PCDHGA10: variants seen among roughly 807,000 people sequenced by gnomAD.
PCDHGA10 encodes protocadherin gamma subfamily A, 10.
In PCDHGA10, 42 loss-of-function variants were observed where a neutral mutation model predicts 59.5. The observed-to-expected ratio is 0.71, with a 90% CI of 0.55 to 0.91. PCDHGA10 has a LOEUF of 0.91. Among genes scored for constraint, PCDHGA10 ranks in the 40% least tolerant of loss-of-function variants. The probability of loss-of-function intolerance (pLI) is 0.00; values close to 1 mark genes in which losing one functional copy is unlikely to be tolerated. For missense variants in PCDHGA10, 1,111 were observed against 1,198.2 expected (o/e 0.93, Z 1.07); for synonymous variants, 511 against 517.2 (o/e 0.99, Z 0.16).
At chr5:141,415,904 C>T in intron 1 of PCDHGA10, 1 of 833,428 alleles carries the variant, frequency 1.2e-6, no homozygotes, top group Non-Finnish European at 1.6e-6. Context: ...AGACAGACTT[C>T]CATACAGAAG....
rs774079222 is a variant in PCDHGA10, at chr5:141,491,314, C to G, written c.2437-3493C>G. On this transcript the variant is annotated intron_variant, in intron 1 of 3. Transcript: ENST00000398610. The surrounding 1 kb of genome is among the most constrained non-coding windows in gnomAD (Gnocchi z 6.9). ...CCCTCCTGAGCGTTCAGACCTTACC[C>G]TTTACCTCATTGTGGCTCTAGCGAC... is the stretch of plus-strand genomic sequence containing the variant. 6 of 1,614,064 alleles carry G rather than the reference C, an allele frequency of 3.7e-6. No individual in the cohort carries two copies. In the South Asian group the frequency reaches 5.5e-5, roughly 15 times the overall value.
In PCDHGA10 at chr5:141,413,664, T is replaced by A; in HGVS notation, c.489T>A (p.Asp163Glu). The A allele has an allele frequency of 6.2e-7, 1 of 1,613,858 alleles. No homozygotes were observed. Among genetic ancestry groups the A allele is most frequent in the Non-Finnish European group, 8.5e-7 (1 of 1,179,888 alleles). Residue 163 changes from aspartate to glutamate, a missense_variant, in exon 1 of 4, where the codon GAT becomes GAA. By Grantham distance (45) the Asp-to-Glu change is conservative. Transcript: ENST00000398610. ...GMRFPLPEAI[D>E]PDVGVNSLQS... ...GTTTTCCTCTCCCGGAAGCTATTGATCCGGATGTGGGCGTGAACTCCCTGC... is the reference window on the plus strand; with the variant it reads ...GTTTTCCTCTCCCGGAAGCTATTGAACCGGATGTGGGCGTGAACTCCCTGC...
In PCDHGA10 at chr5:141,413,639, G is replaced by T. The variant is rs893578830; in HGVS notation, c.464G>T (p.Arg155Leu). ...AATGAAAATGTCGCTGCGGGAATGC[G>T]TTTTCCTCTCCCGGAAGCTATTGAT... ...KINENVAAGM[R>L]FPLPEAIDPD... Residue 155 changes from arginine (R) to leucine (L), a missense_variant, in exon 1 of 4, where the codon CGT (arginine) becomes CTT (leucine). Transcript: ENST00000398610. 6.2e-7 allele frequency: 1 copy of T among 1,613,736 alleles called. No homozygotes were observed. The highest frequency in any genetic ancestry group is 1.3e-5 in the African/African-American group (1 of 74,912).
At position 141,512,644 on chromosome 5, in the gene PCDHGA10, G is replaced by T. The variant is rs1283774989; in HGVS notation, c.*1471G>T. Reference sequence around the variant, plus strand: ...ACCCCAGACCTGCCCTTACAGTAGTGTAGCGCCCCCTCCCTCTTTCGGCTG... The same window carrying T: ...ACCCCAGACCTGCCCTTACAGTAGTTTAGCGCCCCCTCCCTCTTTCGGCTG... On this transcript the variant is annotated 3_prime_UTR_variant, in exon 4 of 4. Coordinates refer to ENST00000398610, the MANE Select transcript of PCDHGA10 (RefSeq NM_018913.3). 1 of 152,528 alleles carries T rather than the reference G, an allele frequency of 6.6e-6. No individual in the cohort carries two copies. The allele number at this position is 152,528 out of a possible 1,614,324, so 9.4% of individuals were successfully genotyped here.
chr5:141,493,140 C>T lies in PCDHGA10; in HGVS notation c.2437-1667C>T, dbSNP rs2099746336. Among the ~76,000 whole-genome samples, 1 of 146,374 alleles carries T rather than the reference C, an allele frequency of 6.8e-6. No homozygotes were observed. Among genetic ancestry groups the T allele is most frequent in the African/African-American group, 2.5e-5 (1 of 40,746 alleles). ...GCTCCTAGGACTGTATTTTGAAACACCCCCAGGTGATTTTGATAGCTGATT... is the reference window on the plus strand; with the variant it reads ...GCTCCTAGGACTGTATTTTGAAACATCCCCAGGTGATTTTGATAGCTGATT... On this transcript the variant is annotated intron_variant, in intron 1 of 3. Transcript: ENST00000398610. This position sits in a 1 kb window ranked among gnomAD's most constrained non-coding sequence, Gnocchi z 4.3.
chr5:141,455,822 CCCCTTTTCCTGT>C (rs2098832641), intron 1 of PCDHGA10, among the ~76,000 whole-genome samples: 2 of 151,688 alleles, frequency 1.3e-5, no homozygotes, highest in African/African-American at 4.8e-5. Flanking sequence ...TTCCCAAGGA[CCCCTTTTCCTGT>C]CTATCTGCAT....
intron 1 of PCDHGA10, among the ~76,000 whole-genome samples, chr5:141,425,189 T>C (rs1042702500): frequency 2.6e-5 from 4 of 152,116 alleles, no homozygotes; most frequent in African/African-American, 7.2e-5. Flanking sequence ...AATTCCAAAC[T>C]GAGAAAAATG....
chr5:141,494,790 C>A lies in PCDHGA10; in HGVS notation c.2437-17C>A, dbSNP rs909145. 17 of 1,614,014 alleles carry A rather than the reference C, an allele frequency of 1.1e-5. 1 individual carries two copies. The South Asian group carries it at 1.9e-4, about 18-fold the overall frequency. ...TCTCACGGGTACTCAGCCCCTTTCC[C>A]TCTGTTTTCTCCACAGCAAGCCCCG... On this transcript the variant is annotated splice_polypyrimidine_tract_variant and intron_variant, in intron 1 of 3. Transcript: ENST00000398610.
At chr5:141,443,977 AT>A (rs1443967001) in intron 1 of PCDHGA10, among the ~76,000 whole-genome samples, 1 of 152,020 alleles carries the variant, frequency 6.6e-6, no homozygotes, top group African/African-American at 2.4e-5. Context: ...CATCTAAGCT[AT>A]GTTAATTTTA....
At chr5:141,449,723 GA>G (rs1432635918) in intron 1 of PCDHGA10, among the ~76,000 whole-genome samples, 2 of 150,880 alleles carry the variant, frequency 1.3e-5, no homozygotes, top group Admixed American at 6.6e-5. Flanking sequence ...TATATGATAT[GA>G]TTTTTTTATG....
chr5:141,421,201 C>A, intron 1 of PCDHGA10: 3 of 1,518,204 alleles, frequency 2.0e-6, no homozygotes, highest in Non-Finnish European at 2.6e-6. Context: ...GCTCGAGAAA[C>A]CGCGGAATAT....
rs543116266 is a variant in PCDHGA10 at position 141,474,428 on chromosome 5, C to A, written c.2437-20379C>A. 3.9e-5 allele frequency among the ~76,000 whole-genome samples: 6 copies of A among 152,346 alleles called. 1 individual carries two copies. In the South Asian group the frequency reaches 1.0e-3, roughly 26 times the overall value. On this transcript the variant is annotated intron_variant, in intron 1 of 3. Coordinates refer to ENST00000398610, the MANE Select transcript of PCDHGA10 (RefSeq NM_018913.3). ...CGGTGATGCCTAGACCATTGGTCCT[C>A]ACACTTTGAGTAGCAAGTGATTGGG...
chr5:141,430,433 T>C (rs1371764261), intron 1 of PCDHGA10, among the ~76,000 whole-genome samples: 2 of 151,080 alleles, frequency 1.3e-5, no homozygotes, highest in Admixed American at 6.6e-5. Context: ...ATACGGTAGA[T>C]TTCCATCCCC....
Position 141,505,432 on chromosome 5 carries a change from C to T in PCDHGA10, c.2535C>T (p.Asn845=), listed in dbSNP as rs776731214. Residue 845 remains asparagine, a synonymous_variant, in exon 3 of 4, where the codon AAC becomes AAT. Transcript: ENST00000398610. ...ATGACACCGGCACCTGGCCCAACAA[C>T]CAGTTTGACACAGAGATGCTGCAAG... ...NGDDTGTWPN[N]QFDTEMLQAM... 6.2e-7 allele frequency: 1 copy of T among 1,614,252 alleles called. No homozygotes were observed. Among genetic ancestry groups the T allele is most frequent in the Non-Finnish European group, 8.5e-7 (1 of 1,180,048 alleles).
chr5:141,476,229 C>A lies in PCDHGA10; in HGVS notation c.2437-18578C>A, dbSNP rs761790915. The A allele has an allele frequency of 1.9e-6, 3 of 1,613,872 alleles. No homozygotes were observed. The South Asian group carries it at 3.3e-5, about 18-fold the overall frequency. ...TCCACGGTCATTCACTATGAGATCC[C>A]GGAGGAAAGAGAGAAGGGTTTCGCT... On this transcript the variant is annotated intron_variant, in intron 1 of 3. Transcript: ENST00000398610. This position sits in a 1 kb window ranked among gnomAD's most constrained non-coding sequence, Gnocchi z 7.6.
At chr5:141,440,443 T>A (rs979101512) in intron 1 of PCDHGA10, 2 of 152,152 alleles carry the variant, frequency 1.3e-5, no homozygotes, top group Admixed American at 1.3e-4. Flanking sequence ...CAAGGCGCCA[T>A]CTCAAAAAAA....
rs756216038 is a variant in PCDHGA10, at chr5:141,477,967, C to G, written c.2437-16840C>G. 1.9e-6 allele frequency: 3 copies of G among 1,614,032 alleles called. No homozygotes were observed. Among genetic ancestry groups the G allele is most frequent in the Admixed American group, 3.3e-5 (2 of 59,996 alleles). ...GTCTCTTGGGATCCCCTAACCAGAG[C>G]CTTTTTGCCATAGGGCTGCACACTG... On this transcript the variant is annotated intron_variant, in intron 1 of 3. Transcript: ENST00000398610. The surrounding 1 kb of genome is among the most constrained non-coding windows in gnomAD (Gnocchi z 4.9).
At chr5:141,422,153 AT>A (rs750082013) in intron 1 of PCDHGA10, 4 of 1,575,250 alleles carry the variant, frequency 2.5e-6, no homozygotes, top group Non-Finnish European at 3.4e-6. Context: ...GGGTCTCTGG[AT>A]TTTGAAAAAT....
At chr5:141,502,191 A>G (rs2099813218) in intron 2 of PCDHGA10, among the ~76,000 whole-genome samples, 1 of 152,170 alleles carries the variant, frequency 6.6e-6, no homozygotes, top group Non-Finnish European at 1.5e-5. Flanking sequence ...TAATACAATA[A>G]TATAGAATCC....
Sources: gnomAD v4.1 joint callset for allele counts (sites outside exome capture counted in the v4.1 genomes callset) on GRCh38, gnomAD v4.1.1 for gene constraint, Gnocchi (gnomAD v3.1) non-coding constraint, MANE v1.5 for transcripts, NCBI Gene and HGNC (gene_info 2026-07-23, HGNC 2026-07-21) for gene names.